CUL1: variants seen among roughly 807,000 people sequenced by gnomAD.
CUL1 encodes cullin 1.
Under a neutral mutation model 118.0 loss-of-function variants are expected in CUL1, and 24 were observed. That is an observed-to-expected ratio of 0.20 (90% confidence interval 0.15 to 0.29). The LOEUF (loss-of-function observed/expected upper bound fraction) is 0.29, where lower values mean the gene tolerates loss of function less well. CUL1 is among the 10% of genes least tolerant of loss of function. The pLI is 1.00. For synonymous variants in CUL1, 332 were observed against 340.4 expected (o/e 0.98, Z 0.27); for missense variants, 361 against 933.8 (o/e 0.39, Z 7.99).
At chr7:148,698,768 G>A (rs28364763), upstream of CUL1, 3 of 153,528 alleles carry the variant, frequency 2.0e-5, no homozygotes, top group East Asian at 3.8e-4. Flanking sequence ...GAGCCGGTGA[G>A]GCCGAGAGGG....
intron 3 of CUL1, 82 bp from the exon 4 acceptor site, chr7:148,756,901 A>G: frequency 2.2e-6 from 2 of 919,464 alleles, no homozygotes; most frequent in Non-Finnish European, 1.6e-6. Flanking sequence ...GTATTTTAAT[A>G]CAGTAGATGT....
intron 2 of CUL1, among the ~76,000 whole-genome samples, chr7:148,742,598 G>GTTTTTTTTTTTTTTTTTTTT (rs59592789): frequency 4.5e-5 from 5 of 112,172 alleles, no homozygotes; most frequent in Non-Finnish European, 9.0e-5. Context: ...ACCTTTTCTG[G>GTTTTTTTTTTTTTTTTTTTT]TTTTTTTTTT....
chr7:148,751,531 T>A, intron 2 of CUL1, among the ~76,000 whole-genome samples: 1 of 114,734 alleles, frequency 8.7e-6, no homozygotes. Flanking sequence ...TGAGACTCTG[T>A]CTCAAAAAAA....
chr7:148,712,502 T>G (rs1014802480), intron 1 of CUL1, among the ~76,000 whole-genome samples: 2 of 152,210 alleles, frequency 1.3e-5, no homozygotes, highest in African/African-American at 4.8e-5. Flanking sequence ...TTGTGGAGTT[T>G]TCAGGTAACG....
intron 9 of CUL1, among the ~76,000 whole-genome samples, chr7:148,781,079 A>ATTTTTTTTTTTTTTTT (rs1197920664): frequency 3.2e-5 from 3 of 93,728 alleles, no homozygotes; most frequent in African/African-American, 1.4e-4. Context: ...TCAAGGCCAG[A>ATTTTTTTTTTTTTTTT]TTTTTTTTTT....
intron 9 of CUL1, among the ~76,000 whole-genome samples, chr7:148,781,603 G>C (rs1800635141): frequency 6.6e-6 from 1 of 152,202 alleles, no homozygotes; most frequent in Admixed American, 6.5e-5. Context: ...AACATTTTGA[G>C]AAAATACAGA....
At chr7:148,788,432 ACTAGCTTTG>A (rs1800892701) in intron 13 of CUL1, 116 bp from the exon 14 acceptor site, 4 of 642,840 alleles carry the variant, frequency 6.2e-6, no homozygotes, top group East Asian at 2.7e-5. Flanking sequence ...GCAAAATGTT[ACTAGCTTTG>A]CTAGTAGTTC....
intron 9 of CUL1, among the ~76,000 whole-genome samples, chr7:148,780,220 T>C (rs955923872): frequency 6.6e-6 from 1 of 152,194 alleles, no homozygotes; most frequent in Non-Finnish European, 1.5e-5. Context: ...CAGATAGTGA[T>C]AGTGGCCCAC....
intron 2 of CUL1, among the ~76,000 whole-genome samples, chr7:148,742,259 G>T (rs1563156023): frequency 6.6e-6 from 1 of 152,154 alleles, no homozygotes; most frequent in African/African-American, 2.4e-5. Context: ...AAGGAAAGAG[G>T]TTTAACGGAC....
intron 2 of CUL1, among the ~76,000 whole-genome samples, chr7:148,736,663 A>G (rs1798953366): frequency 6.6e-6 from 1 of 152,226 alleles, no homozygotes; most frequent in Non-Finnish European, 1.5e-5. Context: ...CTTTATCCTA[A>G]GGAAATAGTT....
chr7:148,771,107 G>A (rs1800196018), intron 9 of CUL1, among the ~76,000 whole-genome samples: 1 of 152,130 alleles, frequency 6.6e-6, no homozygotes, highest in African/African-American at 2.4e-5. Context: ...GCAAAAATGT[G>A]TAATATCAGT....
chr7:148,734,991 T>G lies in CUL1; in HGVS notation c.140+4729T>G, dbSNP rs542420312. Among the ~76,000 whole-genome samples the G allele has an allele frequency of 1.1e-4, 16 of 152,322 alleles. 1 individual carries two copies. The highest frequency in any genetic ancestry group is 3.8e-4 in the African/African-American group (16 of 41,568). On this transcript the variant is annotated intron_variant, in intron 2 of 21. Transcript: ENST00000325222. ...TGTCTTCCTGTACATTGCTGTGGCC[T>G]GAATCAGTTTGTTCTGTTCCTTAGC... is the stretch of plus-strand genomic sequence containing the variant.
chr7:148,778,487 CTG>C (rs900101515), intron 9 of CUL1, among the ~76,000 whole-genome samples: 29 of 152,252 alleles, frequency 1.9e-4, no homozygotes, highest in African/African-American at 5.8e-4. Flanking sequence ...CTTTGCTTCT[CTG>C]TGTTTTGCAT....
At chr7:148,774,554 G>A (rs1177884476) in intron 9 of CUL1, among the ~76,000 whole-genome samples, 4 of 152,204 alleles carry the variant, frequency 2.6e-5, no homozygotes, top group South Asian at 2.1e-4. Flanking sequence ...GGATGTTACT[G>A]TATTCCCCCA....
intron 1 of CUL1, among the ~76,000 whole-genome samples, chr7:148,716,058 A>G (rs1403652266): frequency 6.6e-6 from 1 of 152,202 alleles, no homozygotes; most frequent in Non-Finnish European, 1.5e-5. Flanking sequence ...ATTTACAATT[A>G]TATTGTTGCC....
intron 2 of CUL1, among the ~76,000 whole-genome samples, chr7:148,748,115 C>T (rs1464729126): frequency 6.6e-6 from 1 of 151,994 alleles, no homozygotes. Context: ...ACTACCATTC[C>T]AGTAGAAGGG....
upstream of CUL1, chr7:148,698,902 C>T (rs919848517): frequency 4.7e-4 from 72 of 154,472 alleles, no homozygotes; most frequent in Admixed American, 1.3e-3. Context: ...CACGCAGCTC[C>T]AGGCGGGGCA....
At chr7:148,742,413 T>C (rs1799172986) in intron 2 of CUL1, among the ~76,000 whole-genome samples, 1 of 152,160 alleles carries the variant, frequency 6.6e-6, no homozygotes, top group South Asian at 2.1e-4. Flanking sequence ...ATGAGACTTA[T>C]TCACTACCAC....
At chr7:148,798,489 C>T in intron 19 of CUL1, 83 bp from the exon 20 acceptor site, 1 of 998,162 alleles carries the variant, frequency 1.0e-6, no homozygotes, top group Non-Finnish European at 1.6e-6. Flanking sequence ...CAGGGCACTT[C>T]TTAAAGGTTG....
Sources: gnomAD v4.1 joint callset for allele counts (sites outside exome capture counted in the v4.1 genomes callset) on GRCh38, gnomAD v4.1.1 for gene constraint, MANE v1.5 for transcripts, NCBI Gene and HGNC (gene_info 2026-07-23, HGNC 2026-07-21) for gene names.